FOXN3: variants seen among roughly 807,000 people sequenced by gnomAD.
FOXN3 encodes forkhead box protein N3.
A neutral mutation model predicts 38.4 loss-of-function variants in FOXN3; 7 were observed. The ratio of observed to expected loss-of-function variants is 0.18; its 90% CI spans 0.10 to 0.34. The LOEUF is 0.34. Among genes scored for constraint, FOXN3 ranks in the 10% least tolerant of loss-of-function variants. The pLI is 1.00. For missense variants in FOXN3, 456 were observed against 613.4 expected (o/e 0.74, Z 2.71); for synonymous variants, 230 against 242.2 (o/e 0.95, Z 0.47).
chr14:89,565,965 T>A (rs1485964046), intron 1 of FOXN3, among the ~76,000 whole-genome samples: 1 of 152,208 alleles, frequency 6.6e-6, no homozygotes, highest in Non-Finnish European at 1.5e-5. Context: ...CCCGGAAATA[T>A]AAAACCTGCT....
At chr14:89,452,879 G>A (rs183308302) in intron 1 of FOXN3, among the ~76,000 whole-genome samples, 1 of 152,250 alleles carries the variant, frequency 6.6e-6, no homozygotes, top group Non-Finnish European at 1.5e-5. Context: ...TTGTACTTTG[G>A]TGTAAGAGAT....
intron 2 of FOXN3, among the ~76,000 whole-genome samples, chr14:89,384,289 C>T (rs1302715707): frequency 6.6e-6 from 1 of 151,720 alleles, no homozygotes. Flanking sequence ...TCTGCGCCCA[C>T]CAGCCTGCTT....
intron 2 of FOXN3, among the ~76,000 whole-genome samples, chr14:89,381,484 A>C (rs1159046579): frequency 6.9e-6 from 1 of 143,960 alleles, no homozygotes; most frequent in Non-Finnish European, 1.5e-5. Context: ...GTGTGCTGCC[A>C]AGTCTGGCTA....
At chr14:89,565,779 C>G (rs1375642858) in intron 1 of FOXN3, among the ~76,000 whole-genome samples, 4 of 152,186 alleles carry the variant, frequency 2.6e-5, no homozygotes, top group Non-Finnish European at 5.9e-5. Flanking sequence ...TTGCCATATG[C>G]CACATAATCA....
Position 89,394,722 on chromosome 14 carries a change from C to A in FOXN3, c.543+17212G>T, listed in dbSNP as rs1477103621. ...CACAGCCATGAACACACCTGGGATT[C>A]CAGGAATAGGATACCTGAAGTTACT... On this transcript the variant is annotated intron_variant, in intron 2 of 5. Transcript: ENST00000557258. Among the ~76,000 whole-genome samples, 3 of 152,330 alleles carry A rather than the reference C, an allele frequency of 2.0e-5. No homozygotes were observed. In the South Asian group the frequency reaches 6.2e-4, roughly 32 times the overall value.
At chr14:89,388,890 A>G (rs1191206870) in intron 2 of FOXN3, among the ~76,000 whole-genome samples, 2 of 152,092 alleles carry the variant, frequency 1.3e-5, no homozygotes, top group Non-Finnish European at 2.9e-5. Context: ...GCACCAGCAG[A>G]GCACAGGCCC....
intron 1 of FOXN3, among the ~76,000 whole-genome samples, chr14:89,543,140 C>CA (rs1894823821): frequency 6.6e-6 from 1 of 152,154 alleles, no homozygotes; most frequent in Admixed American, 6.6e-5. Context: ...CTTCAACCAC[C>CA]AAATAAGTTT....
At chr14:89,487,753 A>G (rs1893478847) in intron 1 of FOXN3, among the ~76,000 whole-genome samples, 1 of 152,136 alleles carries the variant, frequency 6.6e-6, no homozygotes. Flanking sequence ...CACATACACA[A>G]GCAACTCAAA....
At chr14:89,235,514 G>A (rs1884952982) in intron 4 of FOXN3, among the ~76,000 whole-genome samples, 1 of 152,218 alleles carries the variant, frequency 6.6e-6, no homozygotes, top group Non-Finnish European at 1.5e-5. Context: ...TGCTTCATCT[G>A]TGGGGTCCTG....
chr14:89,158,141 G>A lies in FOXN3; in HGVS notation c.*4273C>T, dbSNP rs1490603654. Reference sequence around the variant, plus strand: ...TCCTTCTCCAAGAGCCCTTCCAGGAGAGGCCCAAGGCGCCCCCCACAGAGT... The same window carrying A: ...TCCTTCTCCAAGAGCCCTTCCAGGAAAGGCCCAAGGCGCCCCCCACAGAGT... On this transcript the variant is annotated 3_prime_UTR_variant, in exon 6 of 6. Transcript: ENST00000557258. The A allele has an allele frequency of 1.3e-5, 2 of 152,284 alleles. No homozygotes were observed. Among genetic ancestry groups the A allele is most frequent in the Non-Finnish European group, 2.9e-5 (2 of 68,094 alleles). The allele number at this position is 152,284 out of a possible 1,614,324, so 9.4% of individuals were successfully genotyped here. A position where few individuals can be genotyped will look rare whatever the true frequency, so the allele number is the denominator to read the frequency against.
intron 1 of FOXN3, among the ~76,000 whole-genome samples, chr14:89,459,191 A>C (rs984398351): frequency 2.6e-5 from 4 of 152,330 alleles, no homozygotes; most frequent in Non-Finnish European, 5.9e-5. Context: ...GGGAAAAAAA[A>C]CAGGGCCATT....
intron 1 of FOXN3, among the ~76,000 whole-genome samples, chr14:89,422,408 G>C (rs1371490289): frequency 1.3e-5 from 2 of 152,210 alleles, no homozygotes; most frequent in Non-Finnish European, 2.9e-5. Flanking sequence ...TGAATCAGAA[G>C]AGTCAGTGAG....
In FOXN3 at chr14:89,176,608, C is replaced by T. The variant is rs116638527; in HGVS notation, c.851+4093G>A. 1.3e-3 allele frequency among the ~76,000 whole-genome samples: 195 copies of T among 152,348 alleles called. 1 individual carries two copies. Among genetic ancestry groups the T allele is most frequent in the African/African-American group, 4.6e-3 (190 of 41,586 alleles). On this transcript the variant is annotated intron_variant, in intron 5 of 5. Transcript: ENST00000557258. Reference sequence around the variant, plus strand: ...ATAACATTCTGTGTTGTTCTAGTCTCCACTGCACTGCTTTCCTTTTTAGCC... The same window carrying T: ...ATAACATTCTGTGTTGTTCTAGTCTTCACTGCACTGCTTTCCTTTTTAGCC...
chr14:89,594,430 C>T (rs1179961292), intron 1 of FOXN3, among the ~76,000 whole-genome samples: 1 of 152,172 alleles, frequency 6.6e-6, no homozygotes, highest in Non-Finnish European at 1.5e-5. Flanking sequence ...TCACATTTCA[C>T]GTGGTTTCTA....
intron 3 of FOXN3, among the ~76,000 whole-genome samples, chr14:89,331,272 T>C (rs551571543): frequency 6.6e-6 from 1 of 152,348 alleles, no homozygotes; most frequent in East Asian, 1.9e-4. Flanking sequence ...TTGTCTATTC[T>C]AGGAAAACTT....
At chr14:89,438,327 C>T (rs971409811) in intron 1 of FOXN3, among the ~76,000 whole-genome samples, 1 of 152,178 alleles carries the variant, frequency 6.6e-6, no homozygotes, top group Non-Finnish European at 1.5e-5. Context: ...CATTTAAATG[C>T]CATAAAATCT....
At chr14:89,370,584 T>C (rs1349830516) in intron 2 of FOXN3, among the ~76,000 whole-genome samples, 2 of 152,234 alleles carry the variant, frequency 1.3e-5, no homozygotes, top group Non-Finnish European at 2.9e-5. Context: ...CTGAATTCAC[T>C]TGGCAAGAAG....
chr14:89,194,929 T>C (rs1030538166), intron 4 of FOXN3, among the ~76,000 whole-genome samples: 4 of 152,198 alleles, frequency 2.6e-5, no homozygotes, highest in Middle Eastern at 3.2e-3. Context: ...TAGCTTTATA[T>C]GGAAAATAGT....
At chr14:89,450,475 A>G (rs951670456) in intron 1 of FOXN3, among the ~76,000 whole-genome samples, 4 of 152,158 alleles carry the variant, frequency 2.6e-5, no homozygotes, top group African/African-American at 9.7e-5. Context: ...CATGTTAAAC[A>G]CCATGATGGA....
Sources: gnomAD v4.1 joint callset for allele counts (sites outside exome capture counted in the v4.1 genomes callset) on GRCh38, gnomAD v4.1.1 for gene constraint, MANE v1.5 for transcripts, NCBI Gene and HGNC (gene_info 2026-07-23, HGNC 2026-07-21) for gene names.